The following PRIMA1 variants were observed in gnomAD, a reference collection of about 807,000 sequenced individuals.
PRIMA1 encodes the protein proline rich membrane anchor 1, also known as proline-rich membrane anchor 1.
Under a neutral mutation model 17.5 loss-of-function variants are expected in PRIMA1, and 7 were observed. That is an observed-to-expected ratio of 0.40 (90% CI 0.23 to 0.75). PRIMA1 has a LOEUF of 0.75. Among genes scored for constraint, PRIMA1 ranks in the 30% least tolerant of loss-of-function variants. The pLI, the probability that PRIMA1 is intolerant of heterozygous loss-of-function variation, is 0.37. For missense variants in PRIMA1, 200 were observed against 201.8 expected (o/e 0.99, Z 0.05); for synonymous variants, 97 against 77.9 (o/e 1.25, Z -1.29).
rs115454434 is a variant in PRIMA1, at chr14:93,778,657, C to T, written c.229+519G>A. On this transcript the variant is annotated intron_variant, in intron 3 of 4. Coordinates refer to ENST00000393140, the MANE Select transcript of PRIMA1 (RefSeq NM_178013.4). ...CTAAAGAAACGCTCCTTTGTTTGAA[C>T]GACGGCGCAATCAAATTGTTCAGAG... Among the ~76,000 whole-genome samples, 578 of 152,280 alleles carry T rather than the reference C, an allele frequency of 3.8e-3. 5 individuals carry two copies. Among genetic ancestry groups the T allele is most frequent in the African/African-American group, 0.014 (563 of 41,552 alleles).
intron 3 of PRIMA1, among the ~76,000 whole-genome samples, chr14:93,754,634 G>A (rs1208253082): frequency 1.3e-5 from 2 of 152,192 alleles, no homozygotes; most frequent in Non-Finnish European, 1.5e-5. Context: ...CTCGGCAAGG[G>A]AGAAATGTAT....
chr14:93,760,140 C>T (rs1302968948), intron 3 of PRIMA1, among the ~76,000 whole-genome samples: 1 of 152,242 alleles, frequency 6.6e-6, no homozygotes, highest in African/African-American at 2.4e-5. Context: ...GGGAACAAAA[C>T]AAGGCAACGT....
At chr14:93,786,708 G>T (rs11160140) in intron 2 of PRIMA1, among the ~76,000 whole-genome samples, 51,762 of 151,742 alleles carry the variant, frequency 0.34, 9,562 homozygotes, top group African/African-American at 0.49. Flanking sequence ...AACAGACCAC[G>T]CAGTGATAAA....
At position 93,768,845 on chromosome 14, in the gene PRIMA1, G is replaced by T. The variant is rs577537271; in HGVS notation, c.229+10331C>A. ...TTTTGAGATGGAGTCTCACTCTGTCGCCCAGGCTGGAGTGCAGTGGTGCGA... is the reference window on the plus strand; with the variant it reads ...TTTTGAGATGGAGTCTCACTCTGTCTCCCAGGCTGGAGTGCAGTGGTGCGA... On this transcript the variant is annotated intron_variant, in intron 3 of 4. Coordinates refer to ENST00000393140, the MANE Select transcript of PRIMA1 (RefSeq NM_178013.4). Among the ~76,000 whole-genome samples, 304 of 139,626 alleles carry T rather than the reference G, an allele frequency of 2.2e-3. 2 individuals are homozygous for T. Among genetic ancestry groups the T allele is most frequent in the African/African-American group, 7.8e-3 (293 of 37,484 alleles). 91.6% of individuals were successfully genotyped at this position (139,626 alleles called of 152,430 possible).
In PRIMA1 at chr14:93,781,307, G is replaced by A. The variant is rs915431460; in HGVS notation, c.94-1996C>T. ...TCAGTGGGAAATCCACCGGCTTCTA[G>A]ACCGGTGCCATTGTTAGACATCCCA... On this transcript the variant is annotated intron_variant, in intron 2 of 4. Transcript: ENST00000393140. 3.9e-5 allele frequency among the ~76,000 whole-genome samples: 6 copies of A among 152,222 alleles called. 1 individual carries two copies. The highest frequency in any genetic ancestry group is 1.4e-4 in the African/African-American group (6 of 41,452).
At chr14:93,764,383 G>A (rs1053548772) in intron 3 of PRIMA1, among the ~76,000 whole-genome samples, 3 of 147,406 alleles carry the variant, frequency 2.0e-5, no homozygotes, top group African/African-American at 7.5e-5. Context: ...CTCTCAGCCA[G>A]CCCCTCCCTG....
intron 3 of PRIMA1, among the ~76,000 whole-genome samples, chr14:93,776,014 G>A (rs1198297383): frequency 6.6e-6 from 1 of 152,134 alleles, no homozygotes; most frequent in Non-Finnish European, 1.5e-5. Flanking sequence ...GACTTCCCTC[G>A]GACTACTGGG....
chr14:93,776,145 A>C (rs1022270791), intron 3 of PRIMA1, among the ~76,000 whole-genome samples: 1 of 152,196 alleles, frequency 6.6e-6, no homozygotes, highest in African/African-American at 2.4e-5. Context: ...ATCAGGAGAG[A>C]GCGACAGAGC....
At chr14:93,782,157 A>G (rs1465053166) in intron 2 of PRIMA1, among the ~76,000 whole-genome samples, 1 of 151,658 alleles carries the variant, frequency 6.6e-6, no homozygotes, top group African/African-American at 2.4e-5. Flanking sequence ...AGTCCCAGCT[A>G]CTCGGGAGGC....
At chr14:93,774,274 C>T (rs770113792) in intron 3 of PRIMA1, among the ~76,000 whole-genome samples, 8 of 152,236 alleles carry the variant, frequency 5.3e-5, no homozygotes, top group South Asian at 4.1e-4. Flanking sequence ...ACAGGACCTT[C>T]GGGGCTAAAA....
At chr14:93,766,037 G>T (rs1307733685) in intron 3 of PRIMA1, among the ~76,000 whole-genome samples, 1 of 152,198 alleles carries the variant, frequency 6.6e-6, no homozygotes, top group Non-Finnish European at 1.5e-5. Flanking sequence ...TGCACTCAGG[G>T]CCACACATTT....
chr14:93,764,432 C>T (rs1387161159), intron 3 of PRIMA1, among the ~76,000 whole-genome samples: 5 of 151,882 alleles, frequency 3.3e-5, no homozygotes, highest in African/African-American at 7.3e-5. Flanking sequence ...GTTCTGCCCC[C>T]CCGCCCCCAA....
At chr14:93,771,115 C>A (rs1188202889) in intron 3 of PRIMA1, among the ~76,000 whole-genome samples, 1 of 150,818 alleles carries the variant, frequency 6.6e-6, no homozygotes, top group African/African-American at 2.4e-5. Flanking sequence ...TACGCGTGTG[C>A]ATGTATGTGT....
chr14:93,736,629 T>C (rs1046961909), intron 4 of PRIMA1, among the ~76,000 whole-genome samples: 6 of 152,262 alleles, frequency 3.9e-5, no homozygotes, highest in African/African-American at 1.2e-4. Flanking sequence ...TCCTGGTCTA[T>C]TGGCTTTCTG....
intron 3 of PRIMA1, among the ~76,000 whole-genome samples, chr14:93,753,511 T>C (rs1354541248): frequency 6.6e-6 from 1 of 152,156 alleles, no homozygotes; most frequent in African/African-American, 2.4e-5. Flanking sequence ...CCTTCTCTGA[T>C]TGCTGGCAGG....
chr14:93,731,883 A>G (rs1015787744), intron 4 of PRIMA1, among the ~76,000 whole-genome samples: 3 of 152,230 alleles, frequency 2.0e-5, no homozygotes, highest in African/African-American at 7.2e-5. Flanking sequence ...TGAGCATTCA[A>G]AAGTGCTCGT....
chr14:93,731,537 C>T (rs575867618), intron 4 of PRIMA1, among the ~76,000 whole-genome samples: 10 of 152,306 alleles, frequency 6.6e-5, no homozygotes, highest in South Asian at 4.2e-4. Flanking sequence ...ATGTGCAATG[C>T]TCTAGCCATA....
intron 3 of PRIMA1, among the ~76,000 whole-genome samples, chr14:93,777,007 G>C (rs867608919): frequency 3.7e-4 from 56 of 152,174 alleles, no homozygotes; most frequent in African/African-American, 1.2e-3. Context: ...ATTTAGAGTA[G>C]TTTTGTAAAG....
chr14:93,762,900 G>A (rs1220984210), intron 3 of PRIMA1, among the ~76,000 whole-genome samples: 1 of 152,142 alleles, frequency 6.6e-6, no homozygotes, highest in African/African-American at 2.4e-5. Flanking sequence ...AGCCCTGGCT[G>A]TTCTCTCTGC....
Sources: allele counts gnomAD v4.1 joint callset (sites outside exome capture counted in the v4.1 genomes callset), GRCh38; gene constraint gnomAD v4.1.1; transcripts MANE v1.5; gene names NCBI Gene and HGNC (gene_info 2026-07-23, HGNC 2026-07-21).